EFCAB5: variants seen among roughly 807,000 people sequenced by gnomAD.
The protein encoded by EFCAB5 is EF-hand calcium-binding domain-containing protein 5.
A neutral mutation model predicts 167.9 loss-of-function variants in EFCAB5; 131 were observed. That is an observed-to-expected ratio of 0.78 (90% confidence interval 0.68 to 0.90). EFCAB5 has a LOEUF of 0.90. EFCAB5 is among the 40% of genes least tolerant of loss of function. EFCAB5 has a pLI of 0.00. For missense variants in EFCAB5, 1,663 were observed against 1,745.2 expected (o/e 0.95, Z 0.84); for synonymous variants, 574 against 602.8 (o/e 0.95, Z 0.70).
At chr17:30,029,396 G>A (rs1200818528) in intron 7 of EFCAB5, among the ~76,000 whole-genome samples, 1 of 152,118 alleles carries the variant, frequency 6.6e-6, no homozygotes, top group Non-Finnish European at 1.5e-5. Context: ...GTGTTGAGTA[G>A]CTCATGTAAT....
At chr17:30,019,811 T>C (rs1329172280) in intron 7 of EFCAB5, among the ~76,000 whole-genome samples, 1 of 152,174 alleles carries the variant, frequency 6.6e-6, no homozygotes, top group Non-Finnish European at 1.5e-5. Context: ...AAATCAGTCT[T>C]TTAATTCTCA....
intron 5 of EFCAB5, among the ~76,000 whole-genome samples, chr17:29,993,944 C>A (rs967692086): frequency 2.0e-5 from 3 of 150,490 alleles, no homozygotes; most frequent in Non-Finnish European, 3.0e-5. Flanking sequence ...TATAGGGAGA[C>A]CCTACTTTTA....
chr17:29,937,212 T>C (rs1421362748), upstream of EFCAB5, among the ~76,000 whole-genome samples: 3 of 151,996 alleles, frequency 2.0e-5, no homozygotes, highest in African/African-American at 7.2e-5. Context: ...TATTTTTTTT[T>C]TGAGACTCCT....
intron 3 of EFCAB5, among the ~76,000 whole-genome samples, chr17:29,952,362 A>G (rs2067530297): frequency 6.6e-6 from 1 of 152,226 alleles, no homozygotes; most frequent in South Asian, 2.1e-4. Context: ...GAACACATAC[A>G]TTCAAAACAT....
At chr17:30,106,847 G>A (rs2071455885) in intron 22 of EFCAB5, among the ~76,000 whole-genome samples, 1 of 152,196 alleles carries the variant, frequency 6.6e-6, no homozygotes, top group African/African-American at 2.4e-5. Context: ...AGGCTGAAGT[G>A]GGAGGATCAC....
chr17:30,014,954 G>A (rs1299452019), intron 7 of EFCAB5, among the ~76,000 whole-genome samples: 1 of 152,118 alleles, frequency 6.6e-6, no homozygotes, highest in Non-Finnish European at 1.5e-5. Context: ...TCCTTTCCGT[G>A]TTTAGTGCTT....
At chr17:30,051,252 G>A (rs1288868566) in intron 9 of EFCAB5, 35 bp downstream of exon 9, 1 of 1,577,332 alleles carries the variant, frequency 6.3e-7, no homozygotes, top group Non-Finnish European at 8.7e-7. Context: ...GTTCAAGCTG[G>A]AGTGTCGCAG....
intron 4 of EFCAB5, among the ~76,000 whole-genome samples, chr17:29,988,984 TC>T (rs1324167035): frequency 6.6e-6 from 1 of 152,234 alleles, no homozygotes; most frequent in Non-Finnish European, 1.5e-5. Flanking sequence ...TGCCTCAGCC[TC>T]CTTTGTTAAT....
intron 4 of EFCAB5, among the ~76,000 whole-genome samples, chr17:29,982,297 T>A (rs1206989194): frequency 6.6e-6 from 1 of 152,070 alleles, no homozygotes; most frequent in East Asian, 1.9e-4. Flanking sequence ...GCCGGGAGGC[T>A]GAGGCAGAAG....
In EFCAB5 at chr17:30,053,822, T is replaced by C. The variant is rs557462597; in HGVS notation, c.1868T>C (p.Val623Ala). Residue 623 changes from valine to alanine, a missense_variant, in exon 10 of 23, where the codon GTA (valine) becomes GCA (alanine). Val to Ala is a moderately conservative substitution (Grantham distance 64). Coordinates refer to ENST00000394835, the MANE Select transcript of EFCAB5 (RefSeq NM_198529.4). ...IAEQDRHKGS[V>A]AEQGSRRMSA... ...GAACAAGATCGACACAAAGGGTCAG[T>C]AGCAGAACAAGGATCACGCAGAATG... 6.2e-6 allele frequency: 10 copies of C among 1,613,928 alleles called. No homozygotes were observed. In the African/African-American group the frequency reaches 9.3e-5, roughly 15 times the overall value.
At chr17:29,973,346 G>T (rs866738551) in intron 4 of EFCAB5, among the ~76,000 whole-genome samples, 2 of 152,040 alleles carry the variant, frequency 1.3e-5, no homozygotes, top group East Asian at 3.9e-4. Context: ...CTCTCCTCCC[G>T]CAAAAGGGAG....
chr17:30,050,872 A>G (rs2070073754), intron 8 of EFCAB5, among the ~76,000 whole-genome samples: 1 of 152,238 alleles, frequency 6.6e-6, no homozygotes, highest in Non-Finnish European at 1.5e-5. Flanking sequence ...TCAATAAGTC[A>G]GTCACAAATA....
chr17:29,943,997 C>G (rs1052557140), intron 3 of EFCAB5, among the ~76,000 whole-genome samples: 1 of 151,992 alleles, frequency 6.6e-6, no homozygotes, highest in Non-Finnish European at 1.5e-5. Flanking sequence ...ATAAAAGAAT[C>G]TAAAACTATC....
chr17:30,021,655 G>T (rs1254439499), intron 7 of EFCAB5, among the ~76,000 whole-genome samples: 1 of 151,816 alleles, frequency 6.6e-6, no homozygotes, highest in Non-Finnish European at 1.5e-5. Flanking sequence ...TTATAAAGAA[G>T]AGCTGTTACC....
intron 8 of EFCAB5, among the ~76,000 whole-genome samples, chr17:30,039,820 A>T (rs1381306738): frequency 6.6e-6 from 1 of 152,122 alleles, no homozygotes; most frequent in African/African-American, 2.4e-5. Flanking sequence ...ACTGGAAAGG[A>T]TCCTTCTTTA....
chr17:29,946,274 C>T (rs912871676), intron 3 of EFCAB5, among the ~76,000 whole-genome samples: 2 of 151,982 alleles, frequency 1.3e-5, no homozygotes, highest in African/African-American at 2.4e-5. Context: ...ATTAAAACCA[C>T]GATGAAATAC....
At chr17:30,042,935 T>A (rs756974209) in intron 8 of EFCAB5, among the ~76,000 whole-genome samples, 2 of 152,118 alleles carry the variant, frequency 1.3e-5, no homozygotes, top group African/African-American at 2.4e-5. Context: ...AAAAAGATGA[T>A]ATATAAGGAT....
chr17:29,935,220 C>G (rs1311234465), intron 1 of EFCAB5, among the ~76,000 whole-genome samples: 2 of 152,124 alleles, frequency 1.3e-5, no homozygotes, highest in South Asian at 4.1e-4. Flanking sequence ...AAAACTTTAA[C>G]TTTTACTAAC....
intron 4 of EFCAB5, among the ~76,000 whole-genome samples, chr17:29,988,609 G>C (rs1437256094): frequency 6.6e-6 from 1 of 152,136 alleles, no homozygotes; most frequent in Non-Finnish European, 1.5e-5. Flanking sequence ...TTGTTTTTAG[G>C]AAAATGATTA....
Sources: allele counts gnomAD v4.1 joint callset (sites outside exome capture counted in the v4.1 genomes callset), GRCh38; gene constraint gnomAD v4.1.1; transcripts MANE v1.5; gene names NCBI Gene and HGNC (gene_info 2026-07-23, HGNC 2026-07-21).